RBFOX1: variants seen among roughly 807,000 people sequenced by gnomAD.
RBFOX1 encodes RNA binding fox-1 homolog 1.
In RBFOX1, 8 loss-of-function variants were observed where a neutral mutation model predicts 57.7. That is an observed-to-expected ratio of 0.14 (90% confidence interval 0.08 to 0.25). The LOEUF is 0.25. Ranked by LOEUF, RBFOX1 falls within the 10% of genes least tolerant of loss-of-function variation. The pLI, the probability that RBFOX1 is intolerant of heterozygous loss-of-function variation, is 1.00. For synonymous variants in RBFOX1, 326 were observed against 222.4 expected, an observed-to-expected ratio of 1.47 and a Z score of -4.15; for missense variants, 611 against 548.5, an observed-to-expected ratio of 1.11 and a Z score of -1.14.
chr16:6,126,231 A>G (rs999147043), intron 1 of RBFOX1, among the ~76,000 whole-genome samples: 1 of 152,198 alleles, frequency 6.6e-6, no homozygotes, highest in Non-Finnish European at 1.5e-5. Context: ...AACTTCATTC[A>G]AAATTTCAGA....
chr16:5,815,070 A>G (rs1037710816), intron 3 of RBFOX1, among the ~76,000 whole-genome samples: 5 of 151,282 alleles, frequency 3.3e-5, no homozygotes, highest in East Asian at 3.9e-4. Context: ...CGCAGCCCCA[A>G]CCTCCTGGGT....
rs1002948366 is a variant in RBFOX1, at chr16:6,019,802, C to G, written c.-317C>G. On this transcript the variant is annotated 5_prime_UTR_variant, in exon 1 of 16. Coordinates refer to ENST00000550418, the MANE Select transcript of RBFOX1 (RefSeq NM_018723.4). This position sits in a 1 kb window ranked among gnomAD's most constrained non-coding sequence, Gnocchi z 4.2. Reference sequence around the variant, plus strand: ...GGGTCCCCGCCTGTCCGGACCCTCGCCGCGCCCAGGCAGGCGCGCCAGGGC... The same window carrying G: ...GGGTCCCCGCCTGTCCGGACCCTCGGCGCGCCCAGGCAGGCGCGCCAGGGC... 4.0e-6 allele frequency: 6 copies of G among 1,487,460 alleles called. No individual in the cohort carries two copies. The African/African-American group carries it at 7.0e-5, about 17-fold the overall frequency. The allele number at this position is 1,487,460 out of a possible 1,614,324, so 92.1% of individuals were successfully genotyped here.
intron 7 of RBFOX1, among the ~76,000 whole-genome samples, chr16:7,593,595 C>G (rs987663850): frequency 6.6e-6 from 1 of 152,026 alleles, no homozygotes; most frequent in Admixed American, 6.5e-5. Context: ...AGTAAAGAAA[C>G]GTTATTTTTC....
chr16:7,421,635 C>T (rs980083894), intron 4 of RBFOX1, among the ~76,000 whole-genome samples: 1 of 152,234 alleles, frequency 6.6e-6, no homozygotes, highest in African/African-American at 2.4e-5. Flanking sequence ...GCTGCTGCTT[C>T]CAGAGACTGC....
intron 1 of RBFOX1, among the ~76,000 whole-genome samples, chr16:5,335,428 C>G (rs1476651032): frequency 6.6e-6 from 1 of 152,186 alleles, no homozygotes; most frequent in East Asian, 1.9e-4. Flanking sequence ...ATCAGCGGGA[C>G]TGGGGGACAG....
At chr16:7,693,024 A>G (rs2077716340) in intron 14 of RBFOX1, among the ~76,000 whole-genome samples, 2 of 152,204 alleles carry the variant, frequency 1.3e-5, no homozygotes, top group Admixed American at 1.3e-4. Context: ...ACAATTTGAA[A>G]TGCTTTAGCC....
intron 2 of RBFOX1, among the ~76,000 whole-genome samples, chr16:6,492,757 C>G (rs899288815): frequency 6.6e-6 from 1 of 151,944 alleles, no homozygotes; most frequent in Non-Finnish European, 1.5e-5. Context: ...GGTCAAGGAC[C>G]CTTGTAGGAA....
intron 11 of RBFOX1, among the ~76,000 whole-genome samples, chr16:7,631,031 A>G (rs1349025289): frequency 1.3e-5 from 2 of 152,232 alleles, no homozygotes; most frequent in African/African-American, 4.8e-5. Flanking sequence ...AGGCCACCCC[A>G]AAGGCACCCT....
intron 2 of RBFOX1, among the ~76,000 whole-genome samples, chr16:6,584,939 A>G (rs2097585823): frequency 6.6e-6 from 1 of 152,162 alleles, no homozygotes; most frequent in South Asian, 2.1e-4. Context: ...AACCAGTGAC[A>G]ACTTCCCTTT....
intron 3 of RBFOX1, among the ~76,000 whole-genome samples, chr16:6,781,184 A>G (rs1277755842): frequency 2.0e-5 from 3 of 152,122 alleles, no homozygotes; most frequent in Non-Finnish European, 4.4e-5. Context: ...GGTGAGGAAT[A>G]GGGACATAGT....
At chr16:5,795,048 G>T (rs1334316074) in intron 3 of RBFOX1, among the ~76,000 whole-genome samples, 1 of 152,118 alleles carries the variant, frequency 6.6e-6, no homozygotes, top group East Asian at 1.9e-4. Context: ...TATGACTTTG[G>T]CCAAGCTGCT....
chr16:7,453,438 G>A (rs1326942615), intron 4 of RBFOX1, among the ~76,000 whole-genome samples: 5 of 152,066 alleles, frequency 3.3e-5, no homozygotes, highest in African/African-American at 1.2e-4. Flanking sequence ...GCCATGATCG[G>A]GAGTTATGAC....
At chr16:5,461,611 T>C (rs981784492) in intron 1 of RBFOX1, among the ~76,000 whole-genome samples, 1 of 152,226 alleles carries the variant, frequency 6.6e-6, no homozygotes, top group African/African-American at 2.4e-5. Flanking sequence ...CTGTCCCATA[T>C]TTCTGCCTTT....
At chr16:7,561,639 T>G (rs4453511) in intron 5 of RBFOX1, among the ~76,000 whole-genome samples, 75,195 of 151,986 alleles carry the variant, frequency 0.49, 19,652 homozygotes, top group East Asian at 0.81. Context: ...AAAACCCCAG[T>G]AGTCCTAGAA....
intron 3 of RBFOX1, among the ~76,000 whole-genome samples, chr16:5,847,079 T>A (rs1478755146): frequency 1.3e-5 from 2 of 152,088 alleles, no homozygotes; most frequent in Non-Finnish European, 2.9e-5. Context: ...TAGCAGGGAA[T>A]AGGGAATTCC....
intron 3 of RBFOX1, among the ~76,000 whole-genome samples, chr16:5,625,012 A>G (rs1304644813): frequency 6.6e-6 from 1 of 152,184 alleles, no homozygotes; most frequent in Non-Finnish European, 1.5e-5. Context: ...GCCTGGCACG[A>G]GAGATACCAG....
intron 3 of RBFOX1, among the ~76,000 whole-genome samples, chr16:6,655,745 A>G (rs929221230): frequency 1.3e-4 from 20 of 152,128 alleles, no homozygotes; most frequent in African/African-American, 4.8e-4. Flanking sequence ...GCTACTTTTG[A>G]CATCGTTCCA....
At chr16:7,253,281 G>T (rs149427170) in intron 4 of RBFOX1, among the ~76,000 whole-genome samples, 3 of 152,304 alleles carry the variant, frequency 2.0e-5, no homozygotes, top group Middle Eastern at 6.8e-3. Flanking sequence ...CATTCTGTCA[G>T]TTCTGTGGAG....
chr16:5,502,692 A>C (rs75441048), intron 2 of RBFOX1, among the ~76,000 whole-genome samples: 3 of 152,146 alleles, frequency 2.0e-5, no homozygotes, highest in African/African-American at 7.2e-5. Flanking sequence ...CAGCAACCAT[A>C]TTAACAGAAT....
Sources: gnomAD v4.1 joint callset for allele counts (sites outside exome capture counted in the v4.1 genomes callset) on GRCh38, gnomAD v4.1.1 for gene constraint, Gnocchi (gnomAD v3.1) non-coding constraint, MANE v1.5 for transcripts, NCBI Gene and HGNC (gene_info 2026-07-23, HGNC 2026-07-21) for gene names.